Variants in IQCM observed in about 807,000 individuals in gnomAD.
The protein encoded by IQCM is IQ domain-containing protein M.
IQCM carries 45 observed loss-of-function variants against 57.6 expected under a neutral mutation model. The observed-to-expected ratio is 0.78, with a 90% CI of 0.62 to 1.00. The LOEUF (loss-of-function observed/expected upper bound fraction) is 1.00. Among genes scored for constraint, IQCM ranks in the 50% least tolerant of loss-of-function variants. The pLI, the probability that IQCM is intolerant of heterozygous loss-of-function variation, is 0.00. For missense variants in IQCM, 468 were observed against 511.6 expected (o/e 0.91, Z 0.82); for synonymous variants, 148 against 158.9 (o/e 0.93, Z 0.51).
At chr4:149,516,497 A>T (rs1379884232) in intron 12 of IQCM, among the ~76,000 whole-genome samples, 1 of 152,214 alleles carries the variant, frequency 6.6e-6, no homozygotes, top group African/African-American at 2.4e-5. Flanking sequence ...GATTGACAGA[A>T]TTGTAGAATG....
chr4:149,401,477 T>C (rs1294447168), intron 13 of IQCM, among the ~76,000 whole-genome samples: 1 of 151,758 alleles, frequency 6.6e-6, no homozygotes, highest in Admixed American at 6.6e-5. Flanking sequence ...ACCATAAACA[T>C]TTAGTTAAGG....
intron 3 of IQCM, among the ~76,000 whole-genome samples, chr4:149,739,125 T>C (rs1173942040): frequency 1.3e-5 from 2 of 152,158 alleles, no homozygotes; most frequent in African/African-American, 4.8e-5. Context: ...GTCTGTTCCT[T>C]CTTTATTATG....
intron 8 of IQCM, among the ~76,000 whole-genome samples, chr4:149,589,654 C>T (rs1396811696): frequency 1.3e-5 from 2 of 151,948 alleles, no homozygotes; most frequent in East Asian, 1.9e-4. Context: ...GACCTTTCTT[C>T]GGGAACACAA....
At chr4:149,361,913 C>A (rs1729520751) in intron 13 of IQCM, among the ~76,000 whole-genome samples, 1 of 152,154 alleles carries the variant, frequency 6.6e-6, no homozygotes, top group African/African-American at 2.4e-5. Context: ...GGAAAAGCTG[C>A]AGACACTCAA....
At chr4:149,685,299 TACCAATTTGCTAG>T (rs1762469342) in intron 6 of IQCM, among the ~76,000 whole-genome samples, 1 of 151,536 alleles carries the variant, frequency 6.6e-6, no homozygotes. Flanking sequence ...TTTTAGGAGC[TACCAATTTGCTAG>T]ACCAATTTGG....
chr4:149,492,607 T>A (rs1018378526), intron 12 of IQCM, among the ~76,000 whole-genome samples: 1 of 152,088 alleles, frequency 6.6e-6, no homozygotes, highest in Non-Finnish European at 1.5e-5. Flanking sequence ...CATTCGAACA[T>A]CTTGCAAGGC....
chr4:149,467,300 G>A (rs1251402087), intron 12 of IQCM, among the ~76,000 whole-genome samples: 1 of 152,094 alleles, frequency 6.6e-6, no homozygotes. Context: ...AGAGTGTTGG[G>A]AACCACATTA....
chr4:149,429,779 G>A (rs929370897), intron 13 of IQCM: 1 of 364,360 alleles, frequency 2.7e-6, no homozygotes, highest in Non-Finnish European at 4.9e-6. Context: ...TCTTTTTCAA[G>A]ACAAATGTTG....
At chr4:149,415,330 G>A (rs899355136) in intron 13 of IQCM, among the ~76,000 whole-genome samples, 1 of 152,094 alleles carries the variant, frequency 6.6e-6, no homozygotes, top group Admixed American at 6.6e-5. Context: ...CCACTGACTG[G>A]GGAATCTTGT....
intron 2 of IQCM, among the ~76,000 whole-genome samples, chr4:149,759,290 C>T (rs939666431): frequency 1.7e-4 from 26 of 152,084 alleles, no homozygotes; most frequent in Admixed American, 7.2e-4. Flanking sequence ...TAGAGCACAG[C>T]GGATTTTTAG....
chr4:149,431,605 C>T (rs1049969646), intron 13 of IQCM, among the ~76,000 whole-genome samples: 14 of 151,938 alleles, frequency 9.2e-5, no homozygotes, highest in Non-Finnish European at 1.8e-4. Context: ...GGTTCCATCA[C>T]CCTAAGAACT....
chr4:149,700,572 A>G (rs916621500), intron 5 of IQCM, among the ~76,000 whole-genome samples: 2 of 152,032 alleles, frequency 1.3e-5, no homozygotes, highest in Admixed American at 6.6e-5. Flanking sequence ...CTTTCAGGAC[A>G]AGGATTTTTG....
At chr4:149,649,138 T>C (rs896184036) in intron 7 of IQCM, among the ~76,000 whole-genome samples, 33 of 151,910 alleles carry the variant, frequency 2.2e-4, no homozygotes, top group Non-Finnish European at 4.0e-4. Flanking sequence ...TTGTCATTGT[T>C]CTCTTTTTTT....
At chr4:149,799,417 G>A (rs187843312) in intron 2 of IQCM, among the ~76,000 whole-genome samples, 1 of 151,548 alleles carries the variant, frequency 6.6e-6, no homozygotes, top group African/African-American at 2.4e-5. Flanking sequence ...ATCTAATGAT[G>A]CATCTAAAAG....
intron 12 of IQCM, among the ~76,000 whole-genome samples, chr4:149,450,798 T>C (rs181024462): frequency 2.6e-4 from 40 of 151,894 alleles, no homozygotes; most frequent in African/African-American, 8.4e-4. Context: ...GAGAACAAAG[T>C]AGAAGTTCCT....
intron 13 of IQCM, among the ~76,000 whole-genome samples, chr4:149,374,430 G>A (rs141376578): frequency 1.2e-4 from 18 of 151,962 alleles, no homozygotes; most frequent in East Asian, 9.7e-4. Context: ...TTACAGTTTT[G>A]TCTCTCCATG....
chr4:149,701,669 C>CAGTT (rs1277042503), intron 5 of IQCM, among the ~76,000 whole-genome samples: 2 of 151,850 alleles, frequency 1.3e-5, no homozygotes, highest in Admixed American at 1.3e-4. Context: ...AAATGTTTCA[C>CAGTT]AGTTATTTGC....
intron 7 of IQCM, among the ~76,000 whole-genome samples, chr4:149,623,355 G>T (rs1316119804): frequency 3.3e-5 from 5 of 151,928 alleles, no homozygotes; most frequent in Non-Finnish European, 5.9e-5. Context: ...GTTTTATCTT[G>T]CTTACTCATA....
chr4:149,776,089 T>C (rs2149998570), intron 2 of IQCM, among the ~76,000 whole-genome samples: 1 of 152,194 alleles, frequency 6.6e-6, no homozygotes, highest in South Asian at 2.1e-4. Context: ...ACTTTGATCA[T>C]GCCACTACAC....
Sources: gnomAD v4.1 joint callset for allele counts (sites outside exome capture counted in the v4.1 genomes callset) on GRCh38, gnomAD v4.1.1 for gene constraint, MANE v1.5 for transcripts, NCBI Gene and HGNC (gene_info 2026-07-23, HGNC 2026-07-21) for gene names.